FAM120B: variants seen among roughly 807,000 people sequenced by gnomAD.
FAM120B encodes the protein family with sequence similarity 120 member B, also known as constitutive coactivator of peroxisome proliferator-activated receptor gamma.
Under a neutral mutation model 96.3 loss-of-function variants are expected in FAM120B, and 83 were observed. The observed-to-expected ratio is 0.86, with a 90% CI of 0.72 to 1.03. The LOEUF is 1.03. Among genes scored for constraint, FAM120B ranks in the 50% least tolerant of loss-of-function variants. FAM120B has a pLI of 0.00. For synonymous variants in FAM120B, 407 were observed against 402.7 expected (o/e 1.01, Z -0.13); for missense variants, 1,027 against 1,121.2 (o/e 0.92, Z 1.20).
chr6:170,398,762 G>A (rs1426048208), intron 9 of FAM120B, among the ~76,000 whole-genome samples: 6 of 149,528 alleles, frequency 4.0e-5, no homozygotes, highest in African/African-American at 1.2e-4. Flanking sequence ...GTAGAACTAC[G>A]TCATAAGCCT....
At chr6:170,312,040 C>T (rs1262958396) in intron 1 of FAM120B, among the ~76,000 whole-genome samples, 3 of 152,238 alleles carry the variant, frequency 2.0e-5, no homozygotes, top group East Asian at 1.9e-4. Flanking sequence ...CTTACGTCCA[C>T]GTTGTACATC....
intron 6 of FAM120B, among the ~76,000 whole-genome samples, chr6:170,362,684 C>CTTT (rs759098041): frequency 3.6e-5 from 5 of 139,820 alleles, no homozygotes; most frequent in Admixed American, 1.4e-4. Context: ...TTTCTTTTTT[C>CTTT]TTTTTTTTTT....
At chr6:170,310,882 G>T (rs926026840) in intron 1 of FAM120B, among the ~76,000 whole-genome samples, 31 of 152,210 alleles carry the variant, frequency 2.0e-4, no homozygotes, top group African/African-American at 6.8e-4. Context: ...CTTATTCATT[G>T]CTGTATCCAC....
At chr6:170,364,822 C>T (rs1461701663) in intron 6 of FAM120B, among the ~76,000 whole-genome samples, 1 of 152,186 alleles carries the variant, frequency 6.6e-6, no homozygotes, top group Non-Finnish European at 1.5e-5. Flanking sequence ...ACTGTGGTGG[C>T]GTTTTCATTT....
At chr6:170,306,436 T>A (rs540551361), upstream of FAM120B, 1 of 152,290 alleles carries the variant, frequency 6.6e-6, no homozygotes, top group Non-Finnish European at 1.5e-5. Context: ...AAGACCGGCA[T>A]GCAGCGTCAA....
At chr6:170,312,709 C>A (rs73790664) in intron 1 of FAM120B, among the ~76,000 whole-genome samples, 43 of 142,256 alleles carry the variant, frequency 3.0e-4, no homozygotes, top group African/African-American at 1.1e-3. Context: ...CTTTGAGGTG[C>A]CGATGTTAAA....
Position 170,330,478 on chromosome 6 carries a change from G to T in FAM120B, c.1945G>T (p.Glu649Ter), listed in dbSNP as rs1340869314. Residue 649 changes from glutamate to a stop codon, truncating the protein, a stop_gained, in exon 4 of 11, where the codon GAG (glutamate) becomes TAG (stop). Coordinates refer to ENST00000476287, the MANE Select transcript of FAM120B (RefSeq NM_032448.3). LOFTEE classifies it high-confidence loss of function. The stretch of plus-strand genomic sequence containing the variant: ...CACCAGCACCTGCCTAGCTGTCAAG[G>T]AGTGGTTTGTGTATCCTGGGAACCC... ...DVTSTCLAVK[E>*]WFVYPGNPLR... 1.2e-6 allele frequency: 2 copies of T among 1,613,968 alleles called. No individual in the cohort carries two copies. Among genetic ancestry groups the T allele is most frequent in the East Asian group, 2.2e-5 (1 of 44,882 alleles).
Position 170,330,516 on chromosome 6 carries a change from G to A in FAM120B, c.1983G>A (p.Pro661=), listed in dbSNP as rs151206720. ...FVYPGNPLRH[P]DLVRPLQMTI... ...ATCCTGGGAACCCACTGAGGCACCC[G>A]GACCTCGTCAGGCCGCTGCAGATGA... is the stretch of plus-strand genomic sequence containing the variant. The change falls in exon 4 of 11, where the codon CCG becomes CCA. Residue 661 remains proline (P), a synonymous_variant. Coordinates refer to ENST00000476287, the MANE Select transcript of FAM120B (RefSeq NM_032448.3). 16 of 1,614,138 alleles carry A rather than the reference G, an allele frequency of 9.9e-6. No individual in the cohort carries two copies. Among genetic ancestry groups the A allele is most frequent in the East Asian group, 4.5e-5 (2 of 44,880 alleles).
intron 6 of FAM120B, among the ~76,000 whole-genome samples, chr6:170,374,421 C>G (rs1449897294): frequency 1.3e-5 from 2 of 152,206 alleles, no homozygotes; most frequent in African/African-American, 4.8e-5. Flanking sequence ...CCAGCAAGTT[C>G]CATTTCAGCC....
chr6:170,367,519 G>A (rs1788875765), intron 6 of FAM120B, among the ~76,000 whole-genome samples: 1 of 152,252 alleles, frequency 6.6e-6, no homozygotes, highest in Non-Finnish European at 1.5e-5. Context: ...AGCCAAAAGT[G>A]TTTCCATCTG....
chr6:170,399,563 A>G (rs71576515), intron 9 of FAM120B, among the ~76,000 whole-genome samples: 4 of 137,604 alleles, frequency 2.9e-5, no homozygotes, highest in East Asian at 2.3e-4. Flanking sequence ...AGTGAGTGAG[A>G]AAGGTAGAAC....
chr6:170,318,296 A>G lies in FAM120B; in HGVS notation c.906A>G (p.Ala302=). ...AAGCTCTTTTTTATAAAGGAATGGC[A>G]TCATATCTTTTACCAGGACAAAAAT... ...PNKALFYKGM[A]SYLLPGQKSP... Residue 302 remains alanine, a synonymous_variant, in exon 2 of 11, where the codon GCA becomes GCG. Coordinates refer to ENST00000476287, the MANE Select transcript of FAM120B (RefSeq NM_032448.3). 6.2e-7 allele frequency: 1 copy of G among 1,614,168 alleles called. No individual in the cohort carries two copies. The highest frequency in any genetic ancestry group is 8.5e-7 in the Non-Finnish European group (1 of 1,180,018).
At chr6:170,339,377 A>G (rs1191833841) in intron 4 of FAM120B, among the ~76,000 whole-genome samples, 2 of 152,148 alleles carry the variant, frequency 1.3e-5, no homozygotes, top group African/African-American at 4.8e-5. Flanking sequence ...TCCAGTTCCA[A>G]AATGATTCCA....
chr6:170,330,401 G>C (rs1194107797), intron 3 of FAM120B, 48 bp from the exon 4 acceptor site: 4 of 1,459,008 alleles, frequency 2.7e-6, no homozygotes, highest in Non-Finnish European at 3.8e-6. Context: ...CTGTGAGCCT[G>C]GCGATGCATG....
Position 170,404,580 on chromosome 6 carries a change from G to T in FAM120B, c.2723G>T (p.Arg908Ile), listed in dbSNP as rs1380003688. 6.2e-7 allele frequency: 1 copy of T among 1,613,812 alleles called. No homozygotes were observed. ...GSRQYEHDQW[R>I]RY ...AGACAGTATGAGCATGACCAGTGGA[G>T]AAGGTACTAGTCAACCTCCAGGTAA... The change falls in exon 10 of 11, where the codon AGA becomes ATA. Residue 908 changes from arginine (R) to isoleucine (I), a missense_variant. Arg to Ile is a moderately conservative substitution (Grantham distance 97). Transcript: ENST00000476287.
chr6:170,291,181 A>G (rs1783860733), upstream of FAM120B: 1 of 486,068 alleles, frequency 2.1e-6, no homozygotes, highest in Non-Finnish European at 3.9e-6. Context: ...CTCACCACAC[A>G]AAACGCACTC....
chr6:170,311,218 G>A (rs1784570499), intron 1 of FAM120B, among the ~76,000 whole-genome samples: 1 of 152,204 alleles, frequency 6.6e-6, no homozygotes, highest in Non-Finnish European at 1.5e-5. Flanking sequence ...ACTTGCTTGA[G>A]TCCTTAGTGA....
chr6:170,378,085 T>G (rs1789677016), intron 6 of FAM120B, among the ~76,000 whole-genome samples: 2 of 152,332 alleles, frequency 1.3e-5, no homozygotes, highest in South Asian at 4.1e-4. Context: ...GAGTTTATAT[T>G]TAATACCTGA....
rs568160910 is a variant in FAM120B, at chr6:170,406,752, C to A, written c.*2001C>A. The A allele has an allele frequency of 4.7e-4, 72 of 152,290 alleles. 1 individual carries two copies. Among genetic ancestry groups the A allele is most frequent in the African/African-American group, 1.5e-3 (63 of 41,558 alleles). 9.4% of individuals were successfully genotyped at this position (152,290 alleles called of 1,614,324 possible). On this transcript the variant is annotated 3_prime_UTR_variant, in exon 11 of 11. Transcript: ENST00000476287. ...TGCTCATTTGAAACCCCTGCTGCTT[C>A]TAGATCTATTTCTTTGCACTTGTAT...
Sources: gnomAD v4.1 joint callset for allele counts (sites outside exome capture counted in the v4.1 genomes callset) on GRCh38, gnomAD v4.1.1 for gene constraint, MANE v1.5 for transcripts, NCBI Gene and HGNC (gene_info 2026-07-23, HGNC 2026-07-21) for gene names.